FANCD2: variants seen among roughly 807,000 people sequenced by gnomAD.
FANCD2 encodes Fanconi anemia group D2 protein.
FANCD2 carries 131 observed loss-of-function variants against 192.3 expected under a neutral mutation model. The observed-to-expected ratio is 0.68, with a 90% CI of 0.59 to 0.79. The LOEUF is 0.79. Among genes scored for constraint, FANCD2 ranks in the 30% least tolerant of loss-of-function variants. The probability of loss-of-function intolerance (pLI) is 0.00; values close to 1 mark genes in which losing one functional copy is unlikely to be tolerated. For synonymous variants in FANCD2, 524 were observed against 612.5 expected (o/e 0.86, Z 2.13); for missense variants, 1,508 against 1,701.6 (o/e 0.89, Z 2.00).
intron 20 of FANCD2, among the ~76,000 whole-genome samples, chr3:10,063,036 T>C (rs566692910): frequency 1.8e-4 from 28 of 152,348 alleles, no homozygotes; most frequent in Middle Eastern, 6.8e-3. Context: ...TTAATCTCTC[T>C]AATTAAATTA....
At chr3:10,075,723 G>A (rs1458561598) in intron 29 of FANCD2, among the ~76,000 whole-genome samples, 1 of 131,744 alleles carries the variant, frequency 7.6e-6, no homozygotes, top group Non-Finnish European at 1.6e-5. Context: ...AACAGAAATA[G>A]TATCCTTTTT....
intron 18 of FANCD2, among the ~76,000 whole-genome samples, chr3:10,059,730 C>T (rs551229916): frequency 4.0e-5 from 6 of 150,798 alleles, no homozygotes; most frequent in South Asian, 4.2e-4. Context: ...GGCATGAAGC[C>T]GGGAGGTGGA....
rs746265846 is a variant in FANCD2 at position 10,065,473 on chromosome 3, G to A, written c.2248G>A (p.Glu750Lys). Reference protein sequence around the residue: ...CVERQHNGNLEEIDGLLDCPI... With the variant: ...CVERQHNGNLKEIDGLLDCPI... Reference sequence around the variant, plus strand: ...GGAGAGACAGCATAACGGAAACTTGGAGGAGATTGATGGTCTACTAGGTAT... The same window carrying A: ...GGAGAGACAGCATAACGGAAACTTGAAGGAGATTGATGGTCTACTAGGTAT... Residue 750 changes from glutamate (E) to lysine (K), a missense_variant, in exon 24 of 44, where the codon GAG becomes AAG. Glu to Lys is a moderately conservative substitution (Grantham distance 56). Transcript: ENST00000675286. 19 of 1,611,990 alleles carry A rather than the reference G, an allele frequency of 1.2e-5. 1 individual carries two copies. Among genetic ancestry groups the A allele is most frequent in the East Asian group, 2.2e-5 (1 of 44,886 alleles).
At position 10,047,832 on chromosome 3, in the gene FANCD2, C is replaced by A. The variant is rs2087068646; in HGVS notation, c.1279-85C>A. 1.7e-5 allele frequency: 26 copies of A among 1,545,484 alleles called. No homozygotes were observed. In the South Asian group the frequency reaches 2.9e-4, roughly 17 times the overall value. On this transcript the variant is annotated intron_variant, in intron 15 of 43. Transcript: ENST00000675286. The stretch of plus-strand genomic sequence containing the variant: ...TGAGAGCTAGGGAGGAGAAGTCTGA[C>A]ATTCCAAAAGGATAAGCAACTCTTA...
At chr3:10,056,766 A>G (rs1276238582) in intron 18 of FANCD2, among the ~76,000 whole-genome samples, 1 of 152,034 alleles carries the variant, frequency 6.6e-6, no homozygotes, top group Non-Finnish European at 1.5e-5. Context: ...TGCATTTTCT[A>G]ATGACTAATG....
chr3:10,073,714 G>A lies in FANCD2; in HGVS notation c.2715+352G>A, dbSNP rs1693379505. 2.6e-5 allele frequency among the ~76,000 whole-genome samples: 4 copies of A among 152,084 alleles called. No individual in the cohort carries two copies. The South Asian group carries it at 8.3e-4, about 32-fold the overall frequency. On this transcript the variant is annotated intron_variant, in intron 28 of 43. Coordinates refer to ENST00000675286, the MANE Select transcript of FANCD2 (RefSeq NM_001018115.3). Reference sequence around the variant, plus strand: ...GAATGAGTTTCATGTGTTTGAAATTGCCTGGGCCACATGGATCCCAATTAT... The same window carrying A: ...GAATGAGTTTCATGTGTTTGAAATTACCTGGGCCACATGGATCCCAATTAT...
Position 10,101,334 on chromosome 3 carries a change from C to T in FANCD2, c.*72C>T. On this transcript the variant is annotated 3_prime_UTR_variant, in exon 44 of 44. Transcript: ENST00000675286. The stretch of plus-strand genomic sequence containing the variant: ...ATCATTTTGTGTTAGAGTTTGAAAT[C>T]CGCTGTTTGCCTTTCTTACTGGTAG... 9.3e-7 allele frequency: 1 copy of T among 1,072,434 alleles called. No homozygotes were observed. The highest frequency in any genetic ancestry group is 1.4e-6 in the Non-Finnish European group (1 of 689,940). The allele number at this position is 1,072,434 out of a possible 1,614,324, so 66.4% of individuals were successfully genotyped here.
At chr3:10,059,903 G>A (rs114109836) in intron 18 of FANCD2, among the ~76,000 whole-genome samples, 4,672 of 152,028 alleles carry the variant, frequency 0.031, 88 homozygotes, top group South Asian at 0.062. Flanking sequence ...GGGTATGGTG[G>A]TTCACACCTG....
intron 17 of FANCD2, among the ~76,000 whole-genome samples, chr3:10,051,965 A>G (rs991477703): frequency 2.0e-5 from 3 of 152,160 alleles, no homozygotes; most frequent in African/African-American, 7.2e-5. Flanking sequence ...GGAATAGGGT[A>G]AAGACATAAC....
intron 40 of FANCD2, 120 bp downstream of exon 40, chr3:10,094,483 C>A: frequency 1.2e-6 from 1 of 859,084 alleles, no homozygotes; most frequent in Non-Finnish European, 2.0e-6. Flanking sequence ...TCCACTTCAG[C>A]TGTAGCCAGA....
At chr3:10,079,237 C>G (rs181180219) in intron 30 of FANCD2, among the ~76,000 whole-genome samples, 2 of 151,296 alleles carry the variant, frequency 1.3e-5, no homozygotes, top group East Asian at 3.9e-4. Context: ...GAACAAGACT[C>G]TGTCTCAGAA....
At chr3:10,036,131 G>A (rs893732245) in intron 6 of FANCD2, among the ~76,000 whole-genome samples, 156 bp from the exon 7 acceptor site, 4 of 131,332 alleles carry the variant, frequency 3.0e-5, no homozygotes, top group Non-Finnish European at 4.8e-5. Context: ...TTGTCACCCA[G>A]GCTGGAGTGG....
chr3:10,050,311 C>T (rs1373822678), intron 17 of FANCD2, among the ~76,000 whole-genome samples: 1 of 152,084 alleles, frequency 6.6e-6, no homozygotes, highest in Non-Finnish European at 1.5e-5. Flanking sequence ...TTAGAATTAA[C>T]ATGACTTGGT....
chr3:10,032,980 T>G lies in FANCD2; in HGVS notation c.205+8T>G, dbSNP rs1259751767. ...AGAGTCAGAATCAACTAGGTAATAT[T>G]TTAATCTAATTTTATTCTCTGGGTT... On this transcript the variant is annotated splice_region_variant and intron_variant, in intron 3 of 43. Transcript: ENST00000675286. The G allele has an allele frequency of 2.6e-6, 4 of 1,547,960 alleles. No homozygotes were observed. The South Asian group carries it at 4.5e-5, about 17-fold the overall frequency.
intron 19 of FANCD2, among the ~76,000 whole-genome samples, 200 bp downstream of exon 19, chr3:10,060,603 C>T (rs2087537820): frequency 6.6e-6 from 1 of 152,128 alleles, no homozygotes; most frequent in African/African-American, 2.4e-5. Flanking sequence ...TGATCCTAGC[C>T]ATTACAGTCT....
intron 42 of FANCD2, among the ~76,000 whole-genome samples, chr3:10,096,774 C>T (rs1181136471): frequency 3.9e-5 from 6 of 152,168 alleles, no homozygotes; most frequent in Admixed American, 3.9e-4. Flanking sequence ...CCTTTAAGCC[C>T]CACTGAGGGT....
At chr3:10,030,745 C>CA (rs2086571519) in intron 2 of FANCD2, among the ~76,000 whole-genome samples, 1 of 151,964 alleles carries the variant, frequency 6.6e-6, no homozygotes, top group South Asian at 2.1e-4. Context: ...ACTAAAAATA[C>CA]AAAAATTAGC....
At chr3:10,052,808 C>T (rs1214869361) in intron 18 of FANCD2, among the ~76,000 whole-genome samples, 1 of 150,482 alleles carries the variant, frequency 6.6e-6, no homozygotes, top group Non-Finnish European at 1.5e-5. Context: ...CAGAGAAATG[C>T]AAATCAAAAC....
chr3:10,095,094 A>G, intron 40 of FANCD2, 106 bp from the exon 41 acceptor site: 1 of 925,180 alleles, frequency 1.1e-6, no homozygotes. Flanking sequence ...CATAGGCTGG[A>G]AACTGCAGAG....
Sources: allele counts gnomAD v4.1 joint callset (sites outside exome capture counted in the v4.1 genomes callset), GRCh38; gene constraint gnomAD v4.1.1; transcripts MANE v1.5; gene names NCBI Gene and HGNC (gene_info 2026-07-23, HGNC 2026-07-21).